Variants in KIF5A observed in about 807,000 individuals in gnomAD.
The protein encoded by KIF5A is kinesin heavy chain isoform 5A.
Under a neutral mutation model 141.3 loss-of-function variants are expected in KIF5A, and 35 were observed. The ratio of observed to expected loss-of-function variants is 0.25; its 90% CI spans 0.19 to 0.33. The LOEUF is 0.33. Ranked by LOEUF, KIF5A falls within the 10% of genes least tolerant of loss-of-function variation. KIF5A has a pLI of 1.00. For synonymous variants in KIF5A, 448 were observed against 500.2 expected (o/e 0.90, Z 1.39); for missense variants, 861 against 1,314.3 (o/e 0.66, Z 5.33).
intron 1 of KIF5A, among the ~76,000 whole-genome samples, chr12:57,551,210 A>C (rs978975525): frequency 3.3e-5 from 5 of 152,132 alleles, no homozygotes; most frequent in Middle Eastern, 3.2e-3. Context: ...CCCAAGGAGG[A>C]TATCTTAAGG....
At chr12:57,582,672 A>T in intron 27 of KIF5A, 43 bp downstream of exon 27, 1 of 1,516,112 alleles carries the variant, frequency 6.6e-7, no homozygotes, top group Non-Finnish European at 9.2e-7. Flanking sequence ...GGGTGGGACC[A>T]GAAGAAATGA....
At chr12:57,552,038 T>C (rs1184566335) in intron 1 of KIF5A, among the ~76,000 whole-genome samples, 1 of 152,020 alleles carries the variant, frequency 6.6e-6, no homozygotes, top group African/African-American at 2.4e-5. Flanking sequence ...ACAAAACAAC[T>C]CCTGGATCAA....
At chr12:57,551,872 GTC>G (rs57562029) in intron 1 of KIF5A, among the ~76,000 whole-genome samples, 10,403 of 145,336 alleles carry the variant, frequency 0.072, 364 homozygotes, top group African/African-American at 0.092. Context: ...GATGCTTTTG[GTC>G]TCTCTCTCTC....
chr12:57,582,269 A>G (rs1418649535), intron 26 of KIF5A, among the ~76,000 whole-genome samples: 2 of 151,996 alleles, frequency 1.3e-5, no homozygotes, highest in African/African-American at 2.4e-5. Flanking sequence ...TAATAATAAT[A>G]ACACATATGA....
rs576904612 is a variant in KIF5A at position 57,585,854 on chromosome 12, A to C, written c.*1673A>C. On this transcript the variant is annotated 3_prime_UTR_variant, in exon 29 of 29. Coordinates refer to ENST00000455537, the MANE Select transcript of KIF5A (RefSeq NM_004984.4). The stretch of plus-strand genomic sequence containing the variant: ...AGTGATTTTTAAATGTTTTTCAAAA[A>C]CAAATCTTACATAGAACCCCAATAT... The C allele has an allele frequency of 6.6e-6, 1 of 152,322 alleles. No homozygotes were observed. The highest frequency in any genetic ancestry group is 2.1e-4 in the South Asian group (1 of 4,832). 9.4% of individuals were successfully genotyped at this position (152,322 alleles called of 1,614,324 possible). A position where few individuals can be genotyped will look rare whatever the true frequency, so the allele number is the denominator to read the frequency against.
At chr12:57,575,569 T>C (rs1025048355) in intron 16 of KIF5A, 71 bp from the exon 17 acceptor site, 2 of 1,257,840 alleles carry the variant, frequency 1.6e-6, no homozygotes, top group Non-Finnish European at 2.3e-6. Context: ...GAGCTGGAGT[T>C]GGAGATCTGT....
Position 57,550,397 on chromosome 12 carries a change from T to G in KIF5A, c.126T>G (p.Ile42Met), listed in dbSNP as rs149569914. Reference sequence around the variant, plus strand: ...TCCAAGGGGACGACAGCGTCGTTATTGGGGTGAGTGTCGCCCAGGAGGGAA... The same window carrying G: ...TCCAAGGGGACGACAGCGTCGTTATGGGGGTGAGTGTCGCCCAGGAGGGAA... ...PIFQGDDSVV[I>M]GGKPYVFDRV... Residue 42 changes from isoleucine to methionine, a missense_variant, in exon 1 of 29, where the codon ATT becomes ATG. Physicochemically the swap from Ile to Met is conservative, Grantham distance 10. This residue lies in a region of KIF5A where 59 missense variants were observed against 81.1 expected (regional missense o/e 0.73). Transcript: ENST00000455537. The surrounding 1 kb of genome is among the most constrained non-coding windows in gnomAD (Gnocchi z 4.6). The G allele has an allele frequency of 2.4e-5, 38 of 1,614,100 alleles. No homozygotes were observed. Among genetic ancestry groups the G allele is most frequent in the Non-Finnish European group, 3.2e-5 (38 of 1,179,998 alleles).
intron 1 of KIF5A, among the ~76,000 whole-genome samples, chr12:57,553,613 C>G (rs1304460009): frequency 2.0e-5 from 3 of 152,292 alleles, no homozygotes; most frequent in Admixed American, 2.0e-4. Context: ...TGAAGTTCAG[C>G]TTATACCAAG....
At chr12:57,565,601 C>T (rs966394410) in intron 6 of KIF5A, among the ~76,000 whole-genome samples, 14 of 151,198 alleles carry the variant, frequency 9.3e-5, no homozygotes, top group East Asian at 2.0e-4. Context: ...TAGCAAGACC[C>T]GTCTCTCTTA....
At chr12:57,578,515 G>T (rs74824049) in intron 23 of KIF5A, among the ~76,000 whole-genome samples, 173 bp downstream of exon 23, 58 of 152,248 alleles carry the variant, frequency 3.8e-4, no homozygotes, top group African/African-American at 1.1e-3. Flanking sequence ...CTTGTACCTT[G>T]TTCTTTGTTT....
chr12:57,553,247 CACAT>C (rs1179398321), intron 1 of KIF5A, among the ~76,000 whole-genome samples: 2 of 151,974 alleles, frequency 1.3e-5, no homozygotes, highest in Non-Finnish European at 2.9e-5. Context: ...AGTGAAGAAA[CACAT>C]ACATACACAC....
chr12:57,578,192 T>C (rs1158992667), intron 22 of KIF5A, 46 bp from the exon 23 acceptor site: 2 of 1,586,766 alleles, frequency 1.3e-6, no homozygotes, highest in Non-Finnish European at 1.7e-6. Flanking sequence ...TGGTGGGACC[T>C]GTTTGGCCTC....
intron 20 of KIF5A, among the ~76,000 whole-genome samples, chr12:57,577,204 ATAG>A (rs1282337642): frequency 6.6e-5 from 10 of 152,234 alleles, no homozygotes; most frequent in Non-Finnish European, 1.3e-4. Flanking sequence ...TGATCTGTAA[ATAG>A]TAGAATCATA....
Position 57,581,460 on chromosome 12 carries a change from A to G in KIF5A, c.2801A>G (p.Asn934Ser). 1 of 1,613,504 alleles carries G rather than the reference A, an allele frequency of 6.2e-7. No homozygotes were observed. The highest frequency in any genetic ancestry group is 8.5e-7 in the Non-Finnish European group (1 of 1,179,904). ...PGHYPASSPT[N>S]PYGTRSPECI... ...CACTACCCAGCATCCTCACCCACCAACCCCTATGGCACCCGGAGCCCTGAG... is the reference window on the plus strand; with the variant it reads ...CACTACCCAGCATCCTCACCCACCAGCCCCTATGGCACCCGGAGCCCTGAG... Residue 934 changes from asparagine (N) to serine (S), a missense_variant, in exon 25 of 29, where the codon AAC becomes AGC. By Grantham distance (46) the Asn-to-Ser change is conservative. This residue lies in a region of KIF5A where 482 missense variants were observed against 661.3 expected (regional missense o/e 0.73). Coordinates refer to ENST00000455537, the MANE Select transcript of KIF5A (RefSeq NM_004984.4).
In KIF5A at chr12:57,567,441, G is replaced by A. The variant is rs560729345; in HGVS notation, c.590-53G>A. On this transcript the variant is annotated intron_variant, in intron 7 of 28. Transcript: ENST00000455537. ...GGGGTCAGTGGAAGCCGGGGGCTGA[G>A]GACCTCAGTTCTGCAGGGTGGTGCA... 1.8e-4 allele frequency: 292 copies of A among 1,608,660 alleles called. 1 individual carries two copies. The African/African-American group carries it at 3.6e-3, about 20-fold the overall frequency.
In KIF5A at chr12:57,570,035, T is replaced by C; in HGVS notation, c.1166T>C (p.Leu389Pro). Residue 389 changes from leucine to proline, a missense_variant, in exon 12 of 29, where the codon CTG (leucine) becomes CCG (proline). By Grantham distance (98) the Leu-to-Pro change is moderately conservative. Around this residue, in one of 5 missense-constraint regions of KIF5A, gnomAD observed 167 missense variants for 192.0 expected, o/e 0.87. Transcript: ENST00000455537. ...CGCCTGGCTGGGGAGGAGGCAGCCC[T>C]GGGAGCCGAGCTCTGTGAGGAGACC... ...TERLAGEEAALGAELCEETPV... is the reference protein window; with the variant it reads ...TERLAGEEAAPGAELCEETPV... 2 of 1,613,886 alleles carry C rather than the reference T, an allele frequency of 1.2e-6. No homozygotes were observed. Among genetic ancestry groups the C allele is most frequent in the Middle Eastern group, 1.7e-4 (1 of 6,056 alleles).
At chr12:57,556,799 G>A (rs192841413) in intron 1 of KIF5A, among the ~76,000 whole-genome samples, 60 of 152,232 alleles carry the variant, frequency 3.9e-4, no homozygotes, top group African/African-American at 1.4e-3. Flanking sequence ...GTGGGAAAGA[G>A]ATGAGAAAGC....
chr12:57,551,438 T>C (rs1881569583), intron 1 of KIF5A, among the ~76,000 whole-genome samples: 1 of 152,114 alleles, frequency 6.6e-6, no homozygotes. Flanking sequence ...CCTACCCAGG[T>C]TTCTGTTCTG....
intron 15 of KIF5A, among the ~76,000 whole-genome samples, chr12:57,573,692 G>A (rs1363094463): frequency 5.3e-5 from 8 of 152,038 alleles, no homozygotes; most frequent in African/African-American, 1.9e-4. Context: ...AGCCGGGTGT[G>A]GTGGCTCATG....
Sources: allele counts gnomAD v4.1 joint callset (sites outside exome capture counted in the v4.1 genomes callset), GRCh38; gene constraint gnomAD v4.1.1; regional missense constraint gnomAD v4.1.1; non-coding constraint Gnocchi (gnomAD v3.1); transcripts MANE v1.5; gene names NCBI Gene and HGNC (gene_info 2026-07-23, HGNC 2026-07-21).